Variants in PRDM6 observed in about 807,000 individuals in gnomAD.
PRDM6 encodes the protein PR/SET domain 6, also known as putative histone-lysine N-methyltransferase PRDM6.
A neutral mutation model predicts 60.8 loss-of-function variants in PRDM6; 25 were observed. The observed-to-expected ratio is 0.41, with a 90% confidence interval of 0.30 to 0.57. The LOEUF (loss-of-function observed/expected upper bound fraction) is 0.57, where lower values mean the gene tolerates loss of function less well. Ranked by LOEUF, PRDM6 falls within the 20% of genes least tolerant of loss-of-function variation. PRDM6 has a pLI of 0.27. For missense variants in PRDM6, 839 were observed against 821.3 expected, an observed-to-expected ratio of 1.02 and a Z score of -0.26; for synonymous variants, 407 against 357.4, an observed-to-expected ratio of 1.14 and a Z score of -1.57.
At chr5:123,098,198 G>C (rs572248576) in intron 2 of PRDM6, among the ~76,000 whole-genome samples, 3 of 152,350 alleles carry the variant, frequency 2.0e-5, no homozygotes, top group South Asian at 4.1e-4. Context: ...CAAGGCTGGC[G>C]GCGGCAGGTA....
chr5:123,172,608 T>C lies in PRDM6; in HGVS notation c.1496+1500T>C, dbSNP rs1765918134. 2.0e-5 allele frequency among the ~76,000 whole-genome samples: 3 copies of C among 152,210 alleles called. No homozygotes were observed. In the South Asian group the frequency reaches 6.2e-4, roughly 32 times the overall value. On this transcript the variant is annotated intron_variant, in intron 6 of 7. Transcript: ENST00000407847. ...AGTTTGCAAAGCATTTTAGTAGTCT[T>C]TAAAATACAAAAGATGCATTAAAAT...
chr5:123,148,894 G>A (rs1352958252), intron 3 of PRDM6, among the ~76,000 whole-genome samples: 1 of 152,126 alleles, frequency 6.6e-6, no homozygotes, highest in Non-Finnish European at 1.5e-5. Context: ...GGTGGCCTAT[G>A]ATTCACATTT....
At chr5:123,106,692 A>G (rs1426731561) in intron 3 of PRDM6, among the ~76,000 whole-genome samples, 1 of 152,202 alleles carries the variant, frequency 6.6e-6, no homozygotes, top group Non-Finnish European at 1.5e-5. Context: ...TATCCATGAG[A>G]TGTGGTTTCC....
intron 3 of PRDM6, among the ~76,000 whole-genome samples, chr5:123,155,103 T>C (rs1324965588): frequency 6.6e-6 from 1 of 152,116 alleles, no homozygotes; most frequent in Non-Finnish European, 1.5e-5. Flanking sequence ...GTCTCATGCT[T>C]ATTGAGTGGT....
chr5:123,109,470 T>C (rs1163138413), intron 3 of PRDM6, among the ~76,000 whole-genome samples: 1 of 152,194 alleles, frequency 6.6e-6, no homozygotes, highest in Non-Finnish European at 1.5e-5. Context: ...GTATCATTAT[T>C]TGATAAAACA....
intron 3 of PRDM6, among the ~76,000 whole-genome samples, chr5:123,118,093 A>T (rs940888265): frequency 3.9e-5 from 6 of 152,226 alleles, no homozygotes; most frequent in African/African-American, 1.4e-4. Context: ...GAAAATCCAG[A>T]GGGATAACTG....
rs540738108 is a variant in PRDM6, at chr5:123,099,639, T to C, written c.593-15T>C. On this transcript the variant is annotated splice_polypyrimidine_tract_variant and intron_variant, in intron 2 of 7. Transcript: ENST00000407847. This position sits in a 1 kb window ranked among gnomAD's most constrained non-coding sequence, Gnocchi z 4.0. ...TAACCCGCTCCCTTCCCTTCCTCCT[T>C]CTTGTCTCCCGCAGGTTGCGACATG... The C allele has an allele frequency of 4.9e-5, 71 of 1,445,242 alleles. No homozygotes were observed. The highest frequency in any genetic ancestry group is 3.2e-4 in the South Asian group (21 of 66,080). 89.5% of individuals were successfully genotyped at this position (1,445,242 alleles called of 1,614,324 possible). A position where few individuals can be genotyped will look rare whatever the true frequency, so the allele number is the denominator to read the frequency against.
At chr5:123,178,294 A>G (rs1048830116) in intron 6 of PRDM6, among the ~76,000 whole-genome samples, 6 of 152,166 alleles carry the variant, frequency 3.9e-5, no homozygotes, top group African/African-American at 1.4e-4. Context: ...ATAAATGTTA[A>G]TGGTCCCTTC....
intron 3 of PRDM6, among the ~76,000 whole-genome samples, chr5:123,133,681 T>C (rs1455463296): frequency 6.6e-6 from 1 of 152,010 alleles, no homozygotes; most frequent in East Asian, 1.9e-4. Flanking sequence ...TATGGTGTTC[T>C]TGTCAAAGTA....
intron 2 of PRDM6, among the ~76,000 whole-genome samples, chr5:123,094,794 G>A (rs1238592886): frequency 1.3e-5 from 2 of 152,128 alleles, no homozygotes; most frequent in African/African-American, 2.4e-5. Context: ...AGGGGCAGGG[G>A]CCGGCGAGGT....
At chr5:123,109,601 A>G (rs464106) in intron 3 of PRDM6, among the ~76,000 whole-genome samples, 29,441 of 152,172 alleles carry the variant, frequency 0.19, 3,000 homozygotes, top group African/African-American at 0.21. Flanking sequence ...CAAATAAAAA[A>G]CAATTATGTA....
At position 123,170,780 on chromosome 5, in the gene PRDM6, A is replaced by G. The variant is rs547301994; in HGVS notation, c.1168A>G (p.Thr390Ala). Residue 390 changes from threonine to alanine, a missense_variant, in exon 6 of 8, where the codon ACG (threonine) becomes GCG (alanine). Transcript: ENST00000407847. ...AQDENLNVPS[T>A]VMEAMCRQDA... is the part of the protein sequence containing the mutation. ...TATTCTCCTAGTAAATGTCCCTTCAACGGTAATGGAAGCCATGTGCAGACA... is the reference window on the plus strand; with the variant it reads ...TATTCTCCTAGTAAATGTCCCTTCAGCGGTAATGGAAGCCATGTGCAGACA... 9 of 1,550,278 alleles carry G rather than the reference A, an allele frequency of 5.8e-6. No individual in the cohort carries two copies. Among genetic ancestry groups the G allele is most frequent in the African/African-American group, 4.1e-5 (3 of 73,112 alleles).
intron 3 of PRDM6, among the ~76,000 whole-genome samples, chr5:123,141,078 ATACTTCCTTGGTTTTAT>A (rs1765088015): frequency 6.6e-6 from 1 of 152,040 alleles, no homozygotes; most frequent in African/African-American, 2.4e-5. Context: ...TATCATGATT[ATACTTCCTTGGTTTTAT>A]AAACCCAGTT....
intron 6 of PRDM6, among the ~76,000 whole-genome samples, chr5:123,178,709 T>C (rs1369401256): frequency 1.3e-5 from 2 of 152,222 alleles, no homozygotes; most frequent in South Asian, 2.1e-4. Flanking sequence ...CAATCAGGGC[T>C]CAGTGTGCTG....
chr5:123,159,578 A>T lies in PRDM6; in HGVS notation c.1093A>T (p.Asn365Tyr). Residue 365 changes from asparagine to tyrosine, a missense_variant, in exon 5 of 8, where the codon AAT becomes TAT. Physicochemically the swap from Asn to Tyr is moderately radical, Grantham distance 143. Around this residue, in one of 2 missense-constraint regions of PRDM6, gnomAD observed 730 missense variants for 648.8 expected, o/e 1.13. Transcript: ENST00000407847. Reference sequence around the variant, plus strand: ...GGGCACCGAGCTTCTGGTGTGGTACAATGACAGCTATACGTCTTTCTTTGG... The same window carrying T: ...GGGCACCGAGCTTCTGGTGTGGTACTATGACAGCTATACGTCTTTCTTTGG... ...PRGTELLVWY[N>Y]DSYTSFFGIP... 6.4e-7 allele frequency: 1 copy of T among 1,551,598 alleles called. No individual in the cohort carries two copies. Among genetic ancestry groups the T allele is most frequent in the Non-Finnish European group, 8.7e-7 (1 of 1,146,826 alleles).
chr5:123,136,883 C>G (rs746833298), intron 3 of PRDM6, among the ~76,000 whole-genome samples: 34 of 152,126 alleles, frequency 2.2e-4, no homozygotes, highest in Non-Finnish European at 3.7e-4. Flanking sequence ...ACCTTAGCAG[C>G]TGAGGGGCAT....
At chr5:123,161,626 C>A (rs1164526417) in intron 5 of PRDM6, among the ~76,000 whole-genome samples, 2 of 152,106 alleles carry the variant, frequency 1.3e-5, no homozygotes, top group Admixed American at 1.3e-4. Flanking sequence ...ATGTTCCTGG[C>A]ATGTTGGAAG....
At chr5:123,175,757 T>G (rs1000791881) in intron 6 of PRDM6, among the ~76,000 whole-genome samples, 6 of 152,198 alleles carry the variant, frequency 3.9e-5, no homozygotes, top group African/African-American at 1.4e-4. Context: ...AAGAAAAAAT[T>G]AAAGCAGGAT....
intron 5 of PRDM6, among the ~76,000 whole-genome samples, chr5:123,165,889 CT>C (rs1171923737): frequency 6.6e-6 from 1 of 152,152 alleles, no homozygotes; most frequent in African/African-American, 2.4e-5. Context: ...CTTTTTTTGG[CT>C]TGCCATTACT....
Sources: allele counts gnomAD v4.1 joint callset (sites outside exome capture counted in the v4.1 genomes callset), GRCh38; gene constraint gnomAD v4.1.1; regional missense constraint gnomAD v4.1.1; non-coding constraint Gnocchi (gnomAD v3.1); transcripts MANE v1.5; gene names NCBI Gene and HGNC (gene_info 2026-07-23, HGNC 2026-07-21).